ERBB4: variants seen among roughly 807,000 people sequenced by gnomAD.
ERBB4 encodes erb-b2 receptor tyrosine kinase 4, also known as receptor tyrosine-protein kinase erbB-4.
In ERBB4, 42 loss-of-function variants were observed where a neutral mutation model predicts 158.0. The observed-to-expected ratio is 0.27, with a 90% CI of 0.21 to 0.34. The LOEUF (loss-of-function observed/expected upper bound fraction) is 0.34. Ranked by LOEUF, ERBB4 falls within the 10% of genes least tolerant of loss-of-function variation. The pLI is 1.00. For synonymous variants in ERBB4, 583 were observed against 558.7 expected, an observed-to-expected ratio of 1.04 and a Z score of -0.61; for missense variants, 1,333 against 1,624.1, an observed-to-expected ratio of 0.82 and a Z score of 3.08.
intron 14 of ERBB4, among the ~76,000 whole-genome samples, chr2:211,669,279 GAA>G (rs200685399): frequency 1.4e-5 from 2 of 139,158 alleles, no homozygotes; most frequent in African/African-American, 5.2e-5. Context: ...TACTTTACAT[GAA>G]AAAAAAAGAA....
At chr2:211,709,292 CAT>C (rs1176289939) in intron 9 of ERBB4, among the ~76,000 whole-genome samples, 1,903 of 131,082 alleles carry the variant, frequency 0.015, 45 homozygotes, top group African/African-American at 0.056. Context: ...TATATATATA[CAT>C]ATATATATAT....
intron 2 of ERBB4, among the ~76,000 whole-genome samples, chr2:212,118,944 A>G (rs1486305457): frequency 6.6e-6 from 1 of 152,036 alleles, no homozygotes; most frequent in East Asian, 1.9e-4. Context: ...GCCTTTTACT[A>G]TCAATAATAG....
At chr2:211,750,146 C>T (rs1381132576) in intron 5 of ERBB4, among the ~76,000 whole-genome samples, 1 of 152,132 alleles carries the variant, frequency 6.6e-6, no homozygotes, top group Non-Finnish European at 1.5e-5. Flanking sequence ...TAGTCATTGT[C>T]AAAAATAGTG....
At chr2:212,170,830 G>T (rs1183386282) in intron 1 of ERBB4, among the ~76,000 whole-genome samples, 3 of 152,162 alleles carry the variant, frequency 2.0e-5, no homozygotes, top group African/African-American at 7.2e-5. Flanking sequence ...TGGATGTCCA[G>T]GCAGAAGTTT....
At chr2:212,085,190 T>C (rs1281074613) in intron 2 of ERBB4, among the ~76,000 whole-genome samples, 1 of 151,884 alleles carries the variant, frequency 6.6e-6, no homozygotes, top group Admixed American at 6.6e-5. Context: ...CAAACTAAAT[T>C]GGGGTAGAAA....
chr2:212,116,777 AAAG>A (rs1199951459), intron 2 of ERBB4, among the ~76,000 whole-genome samples: 1 of 152,226 alleles, frequency 6.6e-6, no homozygotes, highest in Admixed American at 6.5e-5. Context: ...AAATGATTAA[AAAG>A]AAAATTTAAA....
intron 20 of ERBB4, among the ~76,000 whole-genome samples, chr2:211,485,715 G>C (rs1466753699): frequency 1.5e-5 from 2 of 132,718 alleles, no homozygotes; most frequent in African/African-American, 5.5e-5. Context: ...CAGTGGGGTG[G>C]GGGGAGGGGG....
intron 1 of ERBB4, among the ~76,000 whole-genome samples, chr2:212,433,059 G>GA (rs2092064402): frequency 6.6e-6 from 1 of 152,020 alleles, no homozygotes; most frequent in Non-Finnish European, 1.5e-5. Context: ...TGGTGTGGTA[G>GA]AAAAGTTATT....
intron 4 of ERBB4, among the ~76,000 whole-genome samples, chr2:211,773,635 TA>T (rs1268339608): frequency 0.019 from 1,917 of 101,034 alleles, 68 homozygotes; most frequent in East Asian, 0.048. Flanking sequence ...TATATATATA[TA>T]TATATATATA....
intron 3 of ERBB4, among the ~76,000 whole-genome samples, chr2:211,814,355 T>C (rs2076830981): frequency 6.6e-6 from 1 of 152,178 alleles, no homozygotes; most frequent in African/African-American, 2.4e-5. Flanking sequence ...GAAGTGTCTG[T>C]GTATTTACTA....
intron 19 of ERBB4, among the ~76,000 whole-genome samples, chr2:211,606,610 C>T (rs969259705): frequency 6.6e-6 from 1 of 151,764 alleles, no homozygotes; most frequent in Non-Finnish European, 1.5e-5. Flanking sequence ...ATTGTATGTA[C>T]AAGTGAAAAG....
intron 3 of ERBB4, among the ~76,000 whole-genome samples, chr2:211,860,362 T>C (rs1166128192): frequency 6.6e-6 from 1 of 152,192 alleles, no homozygotes; most frequent in Non-Finnish European, 1.5e-5. Flanking sequence ...AACTCTTAAA[T>C]TGCTGCTTTC....
At chr2:212,521,031 G>C (rs1487666620) in intron 1 of ERBB4, among the ~76,000 whole-genome samples, 1 of 151,926 alleles carries the variant, frequency 6.6e-6, no homozygotes, top group African/African-American at 2.4e-5. Flanking sequence ...TTTGTGTATA[G>C]ATGTGGATGA....
chr2:211,778,030 C>G (rs2075930119), intron 4 of ERBB4, among the ~76,000 whole-genome samples: 1 of 152,102 alleles, frequency 6.6e-6, no homozygotes, highest in African/African-American at 2.4e-5. Context: ...AATTCAAAAC[C>G]ACGAAAATTT....
chr2:212,283,811 A>G (rs1479195680), intron 1 of ERBB4, among the ~76,000 whole-genome samples: 1 of 152,076 alleles, frequency 6.6e-6, no homozygotes, highest in Non-Finnish European at 1.5e-5. Flanking sequence ...ACCACAGTGA[A>G]GAGTTGAAAA....
chr2:211,554,560 C>T (rs546011181), intron 20 of ERBB4, among the ~76,000 whole-genome samples: 25 of 152,312 alleles, frequency 1.6e-4, no homozygotes, highest in Non-Finnish European at 3.1e-4. Flanking sequence ...GGGTGATGCT[C>T]GCCCCACTTT....
intron 25 of ERBB4, among the ~76,000 whole-genome samples, chr2:211,400,807 C>A (rs1259405649): frequency 2.0e-5 from 3 of 151,746 alleles, no homozygotes; most frequent in African/African-American, 7.3e-5. Context: ...ACACAAAGGA[C>A]AAATGTTTGA....
chr2:212,038,705 G>C (rs528556562), intron 2 of ERBB4, among the ~76,000 whole-genome samples: 1 of 152,110 alleles, frequency 6.6e-6, no homozygotes, highest in Non-Finnish European at 1.5e-5. Flanking sequence ...AGTTACAGAG[G>C]AGAAGGTCAG....
intron 1 of ERBB4, among the ~76,000 whole-genome samples, chr2:212,254,231 C>T (rs1002179696): frequency 6.6e-5 from 10 of 152,130 alleles, no homozygotes; most frequent in African/African-American, 2.4e-4. Context: ...ATAACAATTC[C>T]TCAGTCCAAA....
Sources: gnomAD v4.1 joint callset for allele counts (sites outside exome capture counted in the v4.1 genomes callset) on GRCh38, gnomAD v4.1.1 for gene constraint, MANE v1.5 for transcripts, NCBI Gene and HGNC (gene_info 2026-07-23, HGNC 2026-07-21) for gene names.